The following SH3RF3 variants were observed in gnomAD, a reference collection of about 807,000 sequenced individuals.
SH3RF3 encodes E3 ubiquitin-protein ligase SH3RF3.
In SH3RF3, 29 loss-of-function variants were observed where a neutral mutation model predicts 66.3. That is an observed-to-expected ratio of 0.44 (90% confidence interval 0.33 to 0.60). SH3RF3 has a LOEUF of 0.60. Among genes scored for constraint, SH3RF3 ranks in the 20% least tolerant of loss-of-function variants. SH3RF3 has a pLI of 0.04. For missense variants in SH3RF3, 1,194 were observed against 1,190.9 expected (o/e 1.00, Z -0.04); for synonymous variants, 583 against 532.0 (o/e 1.10, Z -1.32).
intron 2 of SH3RF3, among the ~76,000 whole-genome samples, chr2:109,354,182 C>T (rs541069873): frequency 2.6e-5 from 4 of 152,212 alleles, no homozygotes; most frequent in African/African-American, 4.8e-5. Context: ...CTTCTCCCTG[C>T]GACACAGAGT....
chr2:109,204,855 G>A (rs544347772), intron 1 of SH3RF3, among the ~76,000 whole-genome samples: 1 of 152,204 alleles, frequency 6.6e-6, no homozygotes, highest in Admixed American at 6.5e-5. Flanking sequence ...TGGAAGTGGG[G>A]GCTAAACTAA....
At chr2:109,438,760 A>T (rs982102462) in intron 7 of SH3RF3, among the ~76,000 whole-genome samples, 1 of 152,188 alleles carries the variant, frequency 6.6e-6, no homozygotes, top group African/African-American at 2.4e-5. Flanking sequence ...TGCAGTTGGC[A>T]AGTGATCTGG....
chr2:109,399,021 G>T (rs981322573), intron 4 of SH3RF3, 78 bp downstream of exon 4: 5 of 1,416,700 alleles, frequency 3.5e-6, no homozygotes, highest in African/African-American at 1.4e-5. Context: ...AGTGTCCCCC[G>T]TTCCTCAACT....
Position 109,162,222 on chromosome 2 carries a change from C to A in SH3RF3, c.573+32109C>A, listed in dbSNP as rs568287161. 9.2e-5 allele frequency among the ~76,000 whole-genome samples: 14 copies of A among 152,250 alleles called. 1 individual carries two copies. The highest frequency in any genetic ancestry group is 3.4e-3 in the Middle Eastern group (1 of 294). Reference sequence around the variant, plus strand: ...CTTTATGTGTGCCTAGGCTTGATCTCCTTAGAAAGTCTCACTGAAGACAAG... The same window carrying A: ...CTTTATGTGTGCCTAGGCTTGATCTACTTAGAAAGTCTCACTGAAGACAAG... On this transcript the variant is annotated intron_variant, in intron 1 of 9. Transcript: ENST00000309415.
intron 1 of SH3RF3, among the ~76,000 whole-genome samples, chr2:109,243,272 C>T (rs947519121): frequency 1.6e-4 from 25 of 152,232 alleles, no homozygotes; most frequent in Admixed American, 1.2e-3. Flanking sequence ...GGGCCAGAGC[C>T]GGCGTCAGCC....
In SH3RF3 at chr2:109,347,075, C is replaced by A. The variant is rs184194483; in HGVS notation, c.574-599C>A. ...GTGGAACGCTCAGCACGACGGATGC[C>A]ATGCACGCCTGCTGCTCAGCTTCAA... On this transcript the variant is annotated intron_variant, in intron 1 of 9. Coordinates refer to ENST00000309415, the MANE Select transcript of SH3RF3 (RefSeq NM_001099289.3). 2.3e-3 allele frequency among the ~76,000 whole-genome samples: 352 copies of A among 152,320 alleles called. 3 individuals carry two copies. Among genetic ancestry groups the A allele is most frequent in the Non-Finnish European group, 3.5e-3 (235 of 68,032 alleles).
intron 9 of SH3RF3, among the ~76,000 whole-genome samples, chr2:109,494,862 C>T (rs137957659): frequency 0.014 from 2,170 of 152,264 alleles, 51 homozygotes; most frequent in African/African-American, 0.049. Flanking sequence ...AGAGCGGGCG[C>T]TGCTCTCCTC....
chr2:109,243,905 A>G (rs933981015), intron 1 of SH3RF3, among the ~76,000 whole-genome samples: 1 of 152,198 alleles, frequency 6.6e-6, no homozygotes, highest in African/African-American at 2.4e-5. Context: ...AGTGAGTGAG[A>G]GAGGCTTAGA....
In SH3RF3 at chr2:109,461,444, CGCG is replaced by C. The variant is rs1678207190; in HGVS notation, c.2148+11957_2148+11959del. ...CATCCCTGTCTGTCCTAAAGACCTG[CGCG>C]GTGATCCACCTGCCAGAGGCCCCAC... On this transcript the variant is annotated intron_variant, in intron 8 of 9. Coordinates refer to ENST00000309415, the MANE Select transcript of SH3RF3 (RefSeq NM_001099289.3). 2.2e-5 allele frequency among the ~76,000 whole-genome samples: 3 copies of C among 137,182 alleles called. 1 individual carries two copies. Among genetic ancestry groups the C allele is most frequent in the African/African-American group, 8.1e-5 (3 of 36,928 alleles). 90.0% of individuals were successfully genotyped at this position (137,182 alleles called of 152,430 possible).
At chr2:109,401,223 C>A (rs1676304300) in intron 4 of SH3RF3, among the ~76,000 whole-genome samples, 1 of 152,328 alleles carries the variant, frequency 6.6e-6, no homozygotes, top group Middle Eastern at 3.4e-3. Flanking sequence ...TGGGGTCCCT[C>A]CTTGGCAACC....
Position 109,174,216 on chromosome 2 carries a change from C to T in SH3RF3, c.573+44103C>T, listed in dbSNP as rs142156376. On this transcript the variant is annotated intron_variant, in intron 1 of 9. Transcript: ENST00000309415. Reference sequence around the variant, plus strand: ...GATGTCCCTGGCCATTTTACTGTTTCGAAGAGTAAGGTGGACATCACAGTT... The same window carrying T: ...GATGTCCCTGGCCATTTTACTGTTTTGAAGAGTAAGGTGGACATCACAGTT... Among the ~76,000 whole-genome samples, 35 of 152,254 alleles carry T rather than the reference C, an allele frequency of 2.3e-4. No homozygotes were observed. The East Asian group carries it at 5.8e-3, about 25-fold the overall frequency.
chr2:109,446,164 T>A (rs1173458838), intron 7 of SH3RF3, among the ~76,000 whole-genome samples: 1 of 152,132 alleles, frequency 6.6e-6, no homozygotes. Context: ...ATGAGCACAC[T>A]CTTCACCAGC....
At chr2:109,249,189 A>G (rs1402334959) in intron 1 of SH3RF3, among the ~76,000 whole-genome samples, 1 of 152,192 alleles carries the variant, frequency 6.6e-6, no homozygotes, top group Non-Finnish European at 1.5e-5. Context: ...GCCAAGAACT[A>G]CACTCGTTAA....
At chr2:109,388,659 A>G (rs1675894717) in intron 3 of SH3RF3, among the ~76,000 whole-genome samples, 1 of 152,244 alleles carries the variant, frequency 6.6e-6, no homozygotes, top group South Asian at 2.1e-4. Flanking sequence ...ATAGGTGTTT[A>G]TCGAGCATGT....
At chr2:109,355,649 C>T (rs1279502388) in intron 2 of SH3RF3, among the ~76,000 whole-genome samples, 2 of 152,160 alleles carry the variant, frequency 1.3e-5, no homozygotes, top group African/African-American at 2.4e-5. Context: ...CTTTCCTCTT[C>T]GGCCATTGGG....
In SH3RF3 at chr2:109,469,940, T is replaced by C. The variant is rs532589384; in HGVS notation, c.2148+20451T>C. Among the ~76,000 whole-genome samples, 4 of 152,294 alleles carry C rather than the reference T, an allele frequency of 2.6e-5. No homozygotes were observed. In the South Asian group the frequency reaches 8.3e-4, roughly 32 times the overall value. On this transcript the variant is annotated intron_variant, in intron 8 of 9. Transcript: ENST00000309415. Reference sequence around the variant, plus strand: ...GGACAGCAGTGTTCTCAGAGCACTTTCCAGGACATGCGAGCTATAAGATGA... The same window carrying C: ...GGACAGCAGTGTTCTCAGAGCACTTCCCAGGACATGCGAGCTATAAGATGA...
At chr2:109,138,815 T>C (rs1453299639) in intron 1 of SH3RF3, among the ~76,000 whole-genome samples, 1 of 152,198 alleles carries the variant, frequency 6.6e-6, no homozygotes, top group Non-Finnish European at 1.5e-5. Context: ...ATTAATTCAG[T>C]CCACACATAT....
intron 6 of SH3RF3, among the ~76,000 whole-genome samples, chr2:109,434,847 G>A (rs140442983): frequency 6.6e-6 from 1 of 152,332 alleles, no homozygotes; most frequent in Non-Finnish European, 1.5e-5. Context: ...CTCAATAAAT[G>A]CAGATCGAAT....
chr2:109,367,478 C>T (rs1287665647), intron 2 of SH3RF3, among the ~76,000 whole-genome samples: 1 of 151,692 alleles, frequency 6.6e-6, no homozygotes, highest in East Asian at 2.0e-4. Flanking sequence ...AACGGGGTTT[C>T]ACCATGTCGG....
Sources: allele counts gnomAD v4.1 joint callset (sites outside exome capture counted in the v4.1 genomes callset), GRCh38; gene constraint gnomAD v4.1.1; transcripts MANE v1.5; gene names NCBI Gene and HGNC (gene_info 2026-07-23, HGNC 2026-07-21).